Variants in PDSS2 observed in about 807,000 individuals in gnomAD.
PDSS2 encodes all trans-polyprenyl-diphosphate synthase PDSS2.
In PDSS2, 31 loss-of-function variants were observed where a neutral mutation model predicts 44.5. That is an observed-to-expected ratio of 0.70 (90% CI 0.52 to 0.94). PDSS2 has a LOEUF of 0.94. Ranked by LOEUF, PDSS2 falls within the 40% of genes least tolerant of loss-of-function variation. The pLI is 0.00. For missense variants in PDSS2, 452 were observed against 482.2 expected, an observed-to-expected ratio of 0.94 and a Z score of 0.59; for synonymous variants, 157 against 180.3, an observed-to-expected ratio of 0.87 and a Z score of 1.03.
chr6:107,318,765 T>C (rs942958115), intron 2 of PDSS2, among the ~76,000 whole-genome samples: 3 of 152,062 alleles, frequency 2.0e-5, no homozygotes. Context: ...GGTGGGTGGA[T>C]TGCCTGAGCT....
chr6:107,214,013 ATTAATC>A (rs1773322306), intron 4 of PDSS2, among the ~76,000 whole-genome samples: 1 of 152,204 alleles, frequency 6.6e-6, no homozygotes, highest in African/African-American at 2.4e-5. Flanking sequence ...AACAGGTAAA[ATTAATC>A]TTAATGACAT....
intron 7 of PDSS2, among the ~76,000 whole-genome samples, chr6:107,187,359 A>G (rs1024881414): frequency 6.6e-6 from 1 of 152,114 alleles, no homozygotes; most frequent in Non-Finnish European, 1.5e-5. Context: ...GATGGAATGT[A>G]TTACACAGTC....
At chr6:107,403,159 C>T (rs1268573481) in intron 1 of PDSS2, among the ~76,000 whole-genome samples, 1 of 152,158 alleles carries the variant, frequency 6.6e-6, no homozygotes, top group Non-Finnish European at 1.5e-5. Context: ...TACTCCTGTT[C>T]CAAATGGGAG....
At chr6:107,157,966 C>T (rs1376078010) in intron 7 of PDSS2, among the ~76,000 whole-genome samples, 11 of 151,920 alleles carry the variant, frequency 7.2e-5, no homozygotes, top group South Asian at 4.2e-4. Flanking sequence ...CCACTGCGCC[C>T]GACTTAGTGT....
At chr6:107,338,137 C>A (rs1174124295) in intron 1 of PDSS2, among the ~76,000 whole-genome samples, 1 of 152,104 alleles carries the variant, frequency 6.6e-6, no homozygotes, top group African/African-American at 2.4e-5. Context: ...ATTTAGCTCA[C>A]AACCAAAAGA....
chr6:107,317,595 T>C (rs1777241924), intron 2 of PDSS2, among the ~76,000 whole-genome samples: 1 of 152,230 alleles, frequency 6.6e-6, no homozygotes, highest in Admixed American at 6.5e-5. Flanking sequence ...CTCCCAGTTT[T>C]AGGAACAAAG....
At chr6:107,368,266 CAA>C (rs57434839) in intron 1 of PDSS2, among the ~76,000 whole-genome samples, 727 of 67,450 alleles carry the variant, frequency 0.011, 4 homozygotes, top group African/African-American at 0.024. Context: ...AGACTCGTCT[CAA>C]AAAAAAAAAA....
intron 1 of PDSS2, among the ~76,000 whole-genome samples, chr6:107,341,716 T>C (rs1404906493): frequency 6.6e-6 from 1 of 152,154 alleles, no homozygotes; most frequent in Non-Finnish European, 1.5e-5. Context: ...ACTACAACAG[T>C]ACAATGCACA....
chr6:107,173,112 G>C (rs1238266993), intron 7 of PDSS2, among the ~76,000 whole-genome samples: 3 of 127,392 alleles, frequency 2.4e-5, no homozygotes, highest in African/African-American at 8.8e-5. Context: ...AACAGAGCGA[G>C]ACTCTGTCTC....
intron 1 of PDSS2, among the ~76,000 whole-genome samples, chr6:107,399,120 C>T (rs1417433618): frequency 6.6e-6 from 1 of 152,158 alleles, no homozygotes; most frequent in Non-Finnish European, 1.5e-5. Flanking sequence ...ATTTAATTCT[C>T]AAGGCAACAT....
At chr6:107,425,738 G>A (rs1780978769) in intron 1 of PDSS2, among the ~76,000 whole-genome samples, 1 of 152,148 alleles carries the variant, frequency 6.6e-6, no homozygotes, top group Non-Finnish European at 1.5e-5. Context: ...GAGGTGGGTG[G>A]ATCACGAGGT....
intron 1 of PDSS2, among the ~76,000 whole-genome samples, chr6:107,416,504 T>C (rs1444904703): frequency 6.6e-6 from 1 of 152,222 alleles, no homozygotes; most frequent in Admixed American, 6.5e-5. Context: ...TCTGCCTGTT[T>C]ATCATTGACT....
intron 1 of PDSS2, among the ~76,000 whole-genome samples, chr6:107,370,047 A>G (rs1779084733): frequency 6.6e-6 from 1 of 152,130 alleles, no homozygotes; most frequent in African/African-American, 2.4e-5. Context: ...CTTCGCCATG[A>G]GAAACAGTTT....
intron 2 of PDSS2, among the ~76,000 whole-genome samples, chr6:107,310,284 CAAAA>C (rs58991885): frequency 3.3e-5 from 3 of 90,254 alleles, no homozygotes; most frequent in East Asian, 3.2e-4. Flanking sequence ...GACTCCATCC[CAAAA>C]AAAAAAAAAA....
At chr6:107,379,942 C>A (rs1779405477) in intron 1 of PDSS2, among the ~76,000 whole-genome samples, 1 of 151,808 alleles carries the variant, frequency 6.6e-6, no homozygotes, top group African/African-American at 2.4e-5. Flanking sequence ...GCTATATTTT[C>A]TTTCTCTATT....
At chr6:107,221,718 T>C (rs990122178) in intron 4 of PDSS2, among the ~76,000 whole-genome samples, 1 of 152,198 alleles carries the variant, frequency 6.6e-6, no homozygotes, top group Non-Finnish European at 1.5e-5. Flanking sequence ...AGAGATACTT[T>C]GAGTTGCTTT....
intron 2 of PDSS2, among the ~76,000 whole-genome samples, chr6:107,315,464 T>G (rs1299637745): frequency 6.6e-6 from 1 of 152,222 alleles, no homozygotes; most frequent in Non-Finnish European, 1.5e-5. Context: ...ATTCTGAATG[T>G]ACTTTCCCCA....
At chr6:107,283,983 G>A (rs187636475) in intron 2 of PDSS2, among the ~76,000 whole-genome samples, 84 of 151,760 alleles carry the variant, frequency 5.5e-4, no homozygotes, top group African/African-American at 2.0e-3. Context: ...CCTAGATGGT[G>A]CCATTGCACT....
rs373890889 is a variant in PDSS2 at position 107,334,329 on chromosome 6, C to T, written c.300G>A (p.Gly100=). 4.8e-5 allele frequency: 77 copies of T among 1,613,080 alleles called. No homozygotes were observed. Among genetic ancestry groups the T allele is most frequent in the Non-Finnish European group, 3.2e-5 (38 of 1,179,450 alleles). The change falls in exon 2 of 8, where the codon GGG becomes GGA. Residue 100 remains glycine, a synonymous_variant. Transcript: ENST00000369037. ...TQHPLLTTAR[G]LVHDSWNSLQ... ...GGCTATTCCAGCTGTCATGTACAAG[C>T]CCCCTGCCAACAAGCAAAGAAGGAA...
Sources: allele counts gnomAD v4.1 joint callset (sites outside exome capture counted in the v4.1 genomes callset), GRCh38; gene constraint gnomAD v4.1.1; transcripts MANE v1.5; gene names NCBI Gene and HGNC (gene_info 2026-07-23, HGNC 2026-07-21).